UNC13C: variants seen among roughly 807,000 people sequenced by gnomAD.
The protein encoded by UNC13C is unc-13 homolog C, also known as protein unc-13 homolog C.
Under a neutral mutation model 245.4 loss-of-function variants are expected in UNC13C, and 174 were observed. The ratio of observed to expected loss-of-function variants is 0.71; its 90% CI spans 0.63 to 0.80. UNC13C has a LOEUF of 0.80. UNC13C is among the 30% of genes least tolerant of loss of function. The probability of loss-of-function intolerance (pLI) is 0.00; values close to 1 mark genes in which losing one functional copy is unlikely to be tolerated. For missense variants in UNC13C, 2,829 were observed against 2,602.9 expected (o/e 1.09, Z -1.89); for synonymous variants, 992 against 895.1 (o/e 1.11, Z -1.93).
At chr15:54,443,863 A>G (rs929964477) in intron 19 of UNC13C, among the ~76,000 whole-genome samples, 5 of 152,048 alleles carry the variant, frequency 3.3e-5, no homozygotes, top group African/African-American at 7.2e-5. Flanking sequence ...ACTGATGAGA[A>G]GAATGTATAT....
intron 17 of UNC13C, among the ~76,000 whole-genome samples, chr15:54,372,319 A>G (rs1032518150): frequency 6.6e-6 from 1 of 152,124 alleles, no homozygotes; most frequent in Non-Finnish European, 1.5e-5. Context: ...AATAGAAAAC[A>G]TATCAGTTAC....
At chr15:54,274,317 GAAATATCTAAAACAA>G (rs568407773) in intron 10 of UNC13C, among the ~76,000 whole-genome samples, 1 of 152,234 alleles carries the variant, frequency 6.6e-6, no homozygotes, top group East Asian at 1.9e-4. Flanking sequence ...TGGCAAGGAA[GAAATATCTAAAACAA>G]AACCCAAATC....
chr15:53,940,984 G>A, the UNC13C span, among the ~76,000 whole-genome samples: 1 of 151,830 alleles, frequency 6.6e-6, no homozygotes, highest in Non-Finnish European at 1.5e-5. Context: ...TGGAATAAGA[G>A]CCCAAATAGC....
chr15:54,361,246 G>A (rs2039224332), intron 17 of UNC13C, among the ~76,000 whole-genome samples: 1 of 151,764 alleles, frequency 6.6e-6, no homozygotes, highest in Non-Finnish European at 1.5e-5. Flanking sequence ...TATTGTTGAG[G>A]CTTTCTAATG....
chr15:54,598,356 A>G (rs146688002), intron 30 of UNC13C, among the ~76,000 whole-genome samples: 2,298 of 152,276 alleles, frequency 0.015, 43 homozygotes, highest in African/African-American at 0.052. Context: ...CGGCCTCCCA[A>G]AGTGCTGGGA....
chr15:54,279,080 TTTAATGATA>T (rs1173452357), intron 10 of UNC13C, among the ~76,000 whole-genome samples: 11 of 152,206 alleles, frequency 7.2e-5, no homozygotes, highest in Non-Finnish European at 1.3e-4. Context: ...AAGTTTGCAT[TTTAATGATA>T]AAGGGCAATA....
chr15:54,630,192 T>A (rs1041405471), downstream of UNC13C: 3 of 152,224 alleles, frequency 2.0e-5, no homozygotes, highest in Non-Finnish European at 4.4e-5. Context: ...AAATCAAATT[T>A]AGCAAACACA....
At chr15:54,533,214 CATTAAAAAGCAACATACCTTTAATTG>C (rs1329807000) in intron 26 of UNC13C, 148 bp downstream of exon 26, 1 of 589,628 alleles carries the variant, frequency 1.7e-6, no homozygotes, top group Non-Finnish European at 2.8e-6. Context: ...TAAATAAATT[CATTAAAAAGCAACATACCTTTAATTG>C]ATTACTAGAT....
At chr15:54,194,123 C>A (rs1471045422) in intron 4 of UNC13C, among the ~76,000 whole-genome samples, 2 of 152,198 alleles carry the variant, frequency 1.3e-5, no homozygotes, top group Middle Eastern at 3.4e-3. Context: ...TAGTAGGAAG[C>A]AAGGTTTGCA....
chr15:54,011,704 T>G (rs2140988762), intron 1 of UNC13C, among the ~76,000 whole-genome samples: 2 of 152,342 alleles, frequency 1.3e-5, no homozygotes, highest in Non-Finnish European at 2.9e-5. Context: ...CAGAAAGACT[T>G]GGACTTCTTT....
At chr15:54,243,085 G>C (rs2140848383) in intron 7 of UNC13C, among the ~76,000 whole-genome samples, 1 of 152,084 alleles carries the variant, frequency 6.6e-6, no homozygotes, top group South Asian at 2.1e-4. Context: ...CCATCACCTT[G>C]GTATTAAGCC....
chr15:54,603,562 G>A (rs993560126), intron 30 of UNC13C, among the ~76,000 whole-genome samples: 1 of 152,062 alleles, frequency 6.6e-6, no homozygotes, highest in African/African-American at 2.4e-5. Context: ...CATGTGGATA[G>A]GAAAAATATG....
intron 2 of UNC13C, among the ~76,000 whole-genome samples, chr15:54,060,913 T>G (rs552669586): frequency 6.6e-6 from 1 of 151,610 alleles, no homozygotes; most frequent in Non-Finnish European, 1.5e-5. Flanking sequence ...TGGGAATTGA[T>G]CAAAGAGAAC....
At chr15:54,012,146 T>G (rs7168727) in intron 1 of UNC13C, among the ~76,000 whole-genome samples, 24,925 of 152,164 alleles carry the variant, frequency 0.16, 2,445 homozygotes, top group South Asian at 0.27. Context: ...TCATAGAGAT[T>G]ATTTATTTAT....
At chr15:53,942,777 C>G in the UNC13C span, among the ~76,000 whole-genome samples, 1 of 152,148 alleles carries the variant, frequency 6.6e-6, no homozygotes, top group Admixed American at 6.5e-5. Flanking sequence ...ACTCTCGTGC[C>G]TCAGTCTTCC....
At chr15:54,435,963 G>T (rs963790435) in intron 19 of UNC13C, among the ~76,000 whole-genome samples, 3 of 151,864 alleles carry the variant, frequency 2.0e-5, no homozygotes, top group Non-Finnish European at 2.9e-5. Flanking sequence ...CAGTTATGTG[G>T]CCAAGAAACA....
chr15:54,339,660 TA>T (rs2038681920), intron 17 of UNC13C, among the ~76,000 whole-genome samples: 1 of 151,630 alleles, frequency 6.6e-6, no homozygotes, highest in African/African-American at 2.4e-5. Flanking sequence ...TATATATATA[TA>T]TATCACAGTT....
At chr15:54,243,149 G>A (rs553903825) in intron 7 of UNC13C, among the ~76,000 whole-genome samples, 47 of 24,926 alleles carry the variant, frequency 1.9e-3, no homozygotes, top group East Asian at 4.7e-3. Context: ...CCCCCACCCC[G>A]ACAGGCCCCA....
chr15:53,841,032 T>C, the UNC13C span, among the ~76,000 whole-genome samples: 1 of 152,166 alleles, frequency 6.6e-6, no homozygotes, highest in African/African-American at 2.4e-5. Context: ...AGCTCTGGTG[T>C]TGGTGAAACC....
Sources: gnomAD v4.1 joint callset for allele counts (sites outside exome capture counted in the v4.1 genomes callset) on GRCh38, gnomAD v4.1.1 for gene constraint, MANE v1.5 for transcripts, NCBI Gene and HGNC (gene_info 2026-07-23, HGNC 2026-07-21) for gene names.